The following MRPS6 variants were observed in gnomAD, a reference collection of about 807,000 sequenced individuals.
MRPS6 encodes mitochondrial ribosomal protein S6, also known as small ribosomal subunit protein bS6m.
MRPS6 carries 6 observed loss-of-function variants against 13.1 expected under a neutral mutation model. The ratio of observed to expected loss-of-function variants is 0.46; its 90% CI spans 0.25 to 0.91. The LOEUF (loss-of-function observed/expected upper bound fraction) is 0.91, where lower values mean the gene tolerates loss of function less well. Among genes scored for constraint, MRPS6 ranks in the 40% least tolerant of loss-of-function variants. The probability of loss-of-function intolerance (pLI) is 0.18; values close to 1 mark genes in which losing one functional copy is unlikely to be tolerated. For missense variants in MRPS6, 164 were observed against 155.6 expected (o/e 1.05, Z -0.29); for synonymous variants, 61 against 56.5 (o/e 1.08, Z -0.36).
intron 1 of MRPS6, among the ~76,000 whole-genome samples, chr21:34,089,103 T>C (rs144089375): frequency 2.0e-5 from 3 of 151,768 alleles, no homozygotes; most frequent in Non-Finnish European, 4.4e-5. Flanking sequence ...CTCGGCTCAC[T>C]GCAACCTCCA....
chr21:34,080,748 TG>T (rs1451363239), intron 1 of MRPS6, among the ~76,000 whole-genome samples: 7 of 152,232 alleles, frequency 4.6e-5, no homozygotes, highest in African/African-American at 1.7e-4. Flanking sequence ...CTTTCATGTT[TG>T]TTCTGCTATG....
intron 2 of MRPS6, among the ~76,000 whole-genome samples, chr21:34,135,208 A>ATT (rs1292408332): frequency 6.6e-6 from 1 of 152,082 alleles, no homozygotes; most frequent in Non-Finnish European, 1.5e-5. Flanking sequence ...TGCTGTGAAC[A>ATT]TTTGTGTACA....
At position 34,075,830 on chromosome 21, in the gene MRPS6, A is replaced by G. The variant is rs143661004; in HGVS notation, c.45+2085A>G. ...CAGTTTAGGAAAATAGGATTCTAAAATAGGATGAATGTTTGGGGGGAAACG... is the reference window on the plus strand; with the variant it reads ...CAGTTTAGGAAAATAGGATTCTAAAGTAGGATGAATGTTTGGGGGGAAACG... On this transcript the variant is annotated intron_variant, in intron 1 of 2. Coordinates refer to ENST00000399312, the MANE Select transcript of MRPS6 (RefSeq NM_032476.4). Among the ~76,000 whole-genome samples, 41 of 152,322 alleles carry G rather than the reference A, an allele frequency of 2.7e-4. 2 individuals are homozygous for G. Among genetic ancestry groups the G allele is most frequent in the African/African-American group, 9.4e-4 (39 of 41,540 alleles).
chr21:34,090,361 A>G (rs1978622710), intron 1 of MRPS6, among the ~76,000 whole-genome samples: 1 of 152,236 alleles, frequency 6.6e-6, no homozygotes. Context: ...TTGCTTTCCT[A>G]GAACTTGAGT....
Position 34,142,660 on chromosome 21 carries a change from A to G in MRPS6, c.*60A>G. The G allele has an allele frequency of 6.8e-7, 1 of 1,472,958 alleles. No individual in the cohort carries two copies. The allele number at this position is 1,472,958 out of a possible 1,614,324, so 91.2% of individuals were successfully genotyped here. On this transcript the variant is annotated 3_prime_UTR_variant, in exon 3 of 3. Transcript: ENST00000399312. ...CCTTCACATTTGGGCAGCATGGACG[A>G]GAAGGAAGAATTTGCAAGTTTGGCC...
At chr21:34,087,923 A>T (rs554363585) in intron 1 of MRPS6, among the ~76,000 whole-genome samples, 1 of 152,200 alleles carries the variant, frequency 6.6e-6, no homozygotes, top group East Asian at 1.9e-4. Flanking sequence ...GTTGAGGGAG[A>T]AAGTGAGCAG....
At chr21:34,081,803 T>C (rs889935253) in intron 1 of MRPS6, among the ~76,000 whole-genome samples, 1 of 152,208 alleles carries the variant, frequency 6.6e-6, no homozygotes, top group Admixed American at 6.5e-5. Context: ...AGTTTTTCAT[T>C]ATTCCCAGTT....
rs141843184 is a variant in MRPS6 at position 34,100,737 on chromosome 21, A to T, written c.46-24604A>T. 106 of 999,842 alleles carry T rather than the reference A, an allele frequency of 1.1e-4. No individual in the cohort carries two copies. The East Asian group carries it at 8.3e-3, about 78-fold the overall frequency. The allele number at this position is 999,842 out of a possible 1,614,324, so 61.9% of individuals were successfully genotyped here. A position where few individuals can be genotyped will look rare whatever the true frequency, so the allele number is the denominator to read the frequency against. ...GGTTAACTCTTGTGAGAGCCAATAG[A>T]GTGTGTCTGTATTCGCAGTCCATGG... is the stretch of plus-strand genomic sequence containing the variant. On this transcript the variant is annotated intron_variant, in intron 1 of 2. Transcript: ENST00000399312.
chr21:34,141,865 G>A (rs1310147132), intron 2 of MRPS6, among the ~76,000 whole-genome samples: 1 of 152,178 alleles, frequency 6.6e-6, no homozygotes, highest in Non-Finnish European at 1.5e-5. Flanking sequence ...TAAGGTTCCA[G>A]TAATTTTCTT....
At chr21:34,105,917 A>G in intron 1 of MRPS6, 12 of 988,230 alleles carry the variant, frequency 1.2e-5, no homozygotes, top group Non-Finnish European at 1.3e-5. Context: ...TGTCTATTCT[A>G]ACCTATTGTG....
intron 2 of MRPS6, among the ~76,000 whole-genome samples, chr21:34,133,343 A>C (rs1324266547): frequency 6.6e-6 from 1 of 152,184 alleles, no homozygotes; most frequent in Admixed American, 6.5e-5. Context: ...TATGGAGAAC[A>C]CTTTCAGGAG....
At chr21:34,112,924 AG>A (rs2148665250) in intron 1 of MRPS6, among the ~76,000 whole-genome samples, 1 of 152,168 alleles carries the variant, frequency 6.6e-6, no homozygotes, top group East Asian at 1.9e-4. Flanking sequence ...TGGGAGGCTG[AG>A]GTGGGTGGAT....
chr21:34,097,620 A>G lies in MRPS6; in HGVS notation c.45+23875A>G, dbSNP rs149158500. 3.5e-4 allele frequency: 417 copies of G among 1,185,126 alleles called. 1 individual carries two copies. Among genetic ancestry groups the G allele is most frequent in the East Asian group, 2.1e-3 (44 of 21,164 alleles). 73.4% of individuals were successfully genotyped at this position (1,185,126 alleles called of 1,614,324 possible). A position where few individuals can be genotyped will look rare whatever the true frequency, so the allele number is the denominator to read the frequency against. The stretch of plus-strand genomic sequence containing the variant: ...TGCATACCAAAGTAAGAAGAGACCA[A>G]TTATTCTCACAGAGCACTTAGAGCA... On this transcript the variant is annotated intron_variant, in intron 1 of 2. Transcript: ENST00000399312.
At chr21:34,102,469 C>T (rs2148661899) in intron 1 of MRPS6, 1 of 1,000,086 alleles carries the variant, frequency 1.0e-6, no homozygotes, top group Non-Finnish European at 1.2e-6. Context: ...ACCAACAACC[C>T]TAACCATTGG....
intron 1 of MRPS6, chr21:34,095,797 T>G (rs1393715334): frequency 6.2e-7 from 1 of 1,613,984 alleles, no homozygotes; most frequent in Non-Finnish European, 8.5e-7. Flanking sequence ...CTTACACTTA[T>G]GATTATTAGC....
intron 1 of MRPS6, chr21:34,124,283 C>A (rs1980223545): frequency 6.6e-6 from 1 of 152,260 alleles, no homozygotes; most frequent in Admixed American, 6.5e-5. Context: ...CTCTCTCAGC[C>A]ACCAGATTGT....
chr21:34,100,608 A>G (rs1159056070), intron 1 of MRPS6: 3 of 1,000,114 alleles, frequency 3.0e-6, no homozygotes, highest in Non-Finnish European at 3.6e-6. Context: ...TAGGGATGAT[A>G]CCTCAAGAAA....
chr21:34,096,412 G>A lies in MRPS6; in HGVS notation c.45+22667G>A, dbSNP rs772962068. 5.0e-6 allele frequency: 8 copies of A among 1,614,178 alleles called. No homozygotes were observed. Among genetic ancestry groups the A allele is most frequent in the African/African-American group, 1.3e-5 (1 of 75,044 alleles). On this transcript the variant is annotated intron_variant, in intron 1 of 2. Transcript: ENST00000399312. The surrounding 1 kb of genome is among the most constrained non-coding windows in gnomAD (Gnocchi z 5.9). ...CTTATCCGCAAGAGCGCAAGCTCCC[G>A]GGAGTTAATGATTGTGGGGAGGATA...
intron 1 of MRPS6, among the ~76,000 whole-genome samples, chr21:34,120,858 G>T (rs1010452563): frequency 1.3e-5 from 2 of 152,206 alleles, no homozygotes; most frequent in African/African-American, 4.8e-5. Context: ...TTGCCTCAGT[G>T]TTACAGTTAC....
Sources: gnomAD v4.1 joint callset for allele counts (sites outside exome capture counted in the v4.1 genomes callset) on GRCh38, gnomAD v4.1.1 for gene constraint, Gnocchi (gnomAD v3.1) non-coding constraint, MANE v1.5 for transcripts, NCBI Gene and HGNC (gene_info 2026-07-23, HGNC 2026-07-21) for gene names.